Variants in HDAC4 observed in about 807,000 individuals in gnomAD.
HDAC4 encodes the protein histone deacetylase 4, also known as histone deacetylase A.
Under a neutral mutation model 135.1 loss-of-function variants are expected in HDAC4, and 16 were observed. The observed-to-expected ratio is 0.12, with a 90% CI of 0.08 to 0.18. The LOEUF (loss-of-function observed/expected upper bound fraction) is 0.18, where lower values mean the gene tolerates loss of function less well. Ranked by LOEUF, HDAC4 falls within the 10% of genes least tolerant of loss-of-function variation. The pLI is 1.00. For missense variants in HDAC4, 1,143 were observed against 1,511.8 expected (o/e 0.76, Z 4.05); for synonymous variants, 685 against 653.4 (o/e 1.05, Z -0.74).
intron 2 of HDAC4, among the ~76,000 whole-genome samples, chr2:239,257,845 CA>C (rs202012761): frequency 6.6e-6 from 1 of 151,736 alleles, no homozygotes; most frequent in Non-Finnish European, 1.5e-5. Flanking sequence ...GACAACCCAA[CA>C]AAAAAAACCC....
chr2:239,168,906 G>A (rs988244651), intron 5 of HDAC4, among the ~76,000 whole-genome samples: 6 of 152,224 alleles, frequency 3.9e-5, no homozygotes, highest in Non-Finnish European at 5.9e-5. Context: ...CGGGACGGCC[G>A]CCTGTGACGG....
chr2:239,392,037 T>C (rs1373309903), intron 1 of HDAC4, among the ~76,000 whole-genome samples: 1 of 152,192 alleles, frequency 6.6e-6, no homozygotes, highest in African/African-American at 2.4e-5. Flanking sequence ...CCCCACCAGC[T>C]TGGGAGGTGA....
At chr2:239,320,866 C>T (rs975959076) in intron 2 of HDAC4, among the ~76,000 whole-genome samples, 6 of 152,198 alleles carry the variant, frequency 3.9e-5, no homozygotes, top group African/African-American at 1.4e-4. Flanking sequence ...GTAAGAACTA[C>T]ATATTCTCTC....
intron 2 of HDAC4, among the ~76,000 whole-genome samples, chr2:239,324,187 T>C (rs1208487136): frequency 6.6e-6 from 1 of 152,208 alleles, no homozygotes; most frequent in Non-Finnish European, 1.5e-5. Flanking sequence ...CATAGAGTAC[T>C]TGGACAATCC....
At chr2:239,283,095 CCA>C (rs1421270784) in intron 2 of HDAC4, among the ~76,000 whole-genome samples, 13 of 152,258 alleles carry the variant, frequency 8.5e-5, no homozygotes, top group African/African-American at 2.9e-4. Context: ...ATTCGCTCGC[CCA>C]CAGTCAGCCA....
intron 3 of HDAC4, among the ~76,000 whole-genome samples, chr2:239,201,105 G>A (rs6742783): frequency 0.026 from 3,888 of 152,292 alleles, 176 homozygotes; most frequent in African/African-American, 0.088. Context: ...CTTGACAGGT[G>A]TGGGAAACTG....
intron 3 of HDAC4, chr2:239,190,886 T>C (rs971871954): frequency 6.7e-6 from 3 of 444,624 alleles, no homozygotes; most frequent in African/African-American, 6.1e-5. Context: ...GAAGGGTAGG[T>C]TTAAATTACA....
chr2:239,070,381 T>C (rs568983876), intron 22 of HDAC4, among the ~76,000 whole-genome samples: 1 of 152,236 alleles, frequency 6.6e-6, no homozygotes, highest in Non-Finnish European at 1.5e-5. Context: ...AGTATTCTAT[T>C]TGGAAAGGGG....
intron 2 of HDAC4, among the ~76,000 whole-genome samples, chr2:239,265,971 A>G (rs2049701028): frequency 6.6e-6 from 1 of 152,124 alleles, no homozygotes; most frequent in Non-Finnish European, 1.5e-5. Context: ...GTCCATCCTC[A>G]TACACCAACC....
intron 4 of HDAC4, among the ~76,000 whole-genome samples, chr2:239,180,663 C>T (rs948588904): frequency 9.2e-5 from 14 of 152,348 alleles, no homozygotes; most frequent in Middle Eastern, 3.4e-3. Flanking sequence ...AAATGGCATT[C>T]GGCAACCTCA....
chr2:239,063,665 T>A (rs540841367), intron 24 of HDAC4, among the ~76,000 whole-genome samples: 3 of 152,270 alleles, frequency 2.0e-5, no homozygotes, highest in Non-Finnish European at 4.4e-5. Context: ...TGCCTCGTGC[T>A]CTTGGCTTGG....
chr2:239,377,261 G>A (rs957271697), intron 1 of HDAC4, among the ~76,000 whole-genome samples: 14 of 152,220 alleles, frequency 9.2e-5, no homozygotes, highest in African/African-American at 3.1e-4. Context: ...TTACGAGGCC[G>A]TCCACTAACC....
intron 3 of HDAC4, among the ~76,000 whole-genome samples, chr2:239,226,413 C>T (rs530376130): frequency 4.3e-4 from 66 of 152,296 alleles, no homozygotes; most frequent in African/African-American, 1.5e-3. Context: ...GGGACTGCCA[C>T]ATAGCTTTCT....
At position 239,285,598 on chromosome 2, in the gene HDAC4, T is replaced by C. The variant is rs1193673616; in HGVS notation, c.23-48934A>G. On this transcript the variant is annotated intron_variant, in intron 2 of 26. Coordinates refer to ENST00000543185, the MANE Select transcript of HDAC4 (RefSeq NM_001378414.1). This position sits in a 1 kb window ranked among gnomAD's most constrained non-coding sequence, Gnocchi z 4.5. The stretch of plus-strand genomic sequence containing the variant: ...GTTGGGCTTTTGAAGTACTAGAAAC[T>C]TCCTCTTCTGGGGACGTGGCAGACA... 6.6e-6 allele frequency among the ~76,000 whole-genome samples: 1 copy of C among 152,130 alleles called. No individual in the cohort carries two copies. Among genetic ancestry groups the C allele is most frequent in the Admixed American group, 6.5e-5 (1 of 15,270 alleles).
intron 3 of HDAC4, among the ~76,000 whole-genome samples, chr2:239,235,714 T>A (rs2047849866): frequency 6.6e-6 from 1 of 152,222 alleles, no homozygotes; most frequent in Non-Finnish European, 1.5e-5. Context: ...AAAGTCTGTT[T>A]CCATGGCCTA....
intron 1 of HDAC4, among the ~76,000 whole-genome samples, chr2:239,353,981 T>C (rs1052909389): frequency 2.0e-5 from 3 of 152,218 alleles, no homozygotes. Context: ...GTCTTCATAA[T>C]GACCATTTTC....
chr2:239,389,822 G>A (rs193205912), intron 1 of HDAC4, among the ~76,000 whole-genome samples: 2 of 152,304 alleles, frequency 1.3e-5, no homozygotes, highest in East Asian at 1.9e-4. Flanking sequence ...TTCCCCAGCC[G>A]GCTTCTGGAA....
intron 3 of HDAC4, among the ~76,000 whole-genome samples, chr2:239,235,403 G>C: frequency 6.6e-6 from 1 of 152,228 alleles, no homozygotes; most frequent in East Asian, 1.9e-4. Context: ...GGTGATGAGT[G>C]GGTCTAACTG....
chr2:239,268,416 G>A (rs2049871191), intron 2 of HDAC4, among the ~76,000 whole-genome samples: 1 of 152,280 alleles, frequency 6.6e-6, no homozygotes. Flanking sequence ...ATTTTGAAAA[G>A]ACGCTGAGTA....
Sources: gnomAD v4.1 joint callset for allele counts (sites outside exome capture counted in the v4.1 genomes callset) on GRCh38, gnomAD v4.1.1 for gene constraint, Gnocchi (gnomAD v3.1) non-coding constraint, MANE v1.5 for transcripts, NCBI Gene and HGNC (gene_info 2026-07-23, HGNC 2026-07-21) for gene names.